The following SERPINA7 variants were observed in gnomAD, a reference collection of about 807,000 sequenced individuals.
SERPINA7 encodes thyroxine-binding globulin.
Under a neutral mutation model 16.0 loss-of-function variants are expected in SERPINA7, and 14 were observed. The observed-to-expected ratio is 0.88, with a 90% CI of 0.58 to 1.37. The LOEUF is 1.37. Among genes scored for constraint, SERPINA7 ranks in the 40% most tolerant of loss-of-function variants. SERPINA7 has a pLI of 0.00. For synonymous variants in SERPINA7, 140 were observed against 111.0 expected (o/e 1.26, Z -1.65); for missense variants, 335 against 296.6 (o/e 1.13, Z -0.95).
chrX:106,034,185 T>C (rs778617973), intron 4 of SERPINA7, 50 bp downstream of exon 4: 1 of 1,157,445 alleles, frequency 8.6e-7, no homozygotes, highest in Non-Finnish European at 1.2e-6. Context: ...AATTGACTCC[T>C]AATTGCTCTT....
At position 106,035,138 on chromosome X, in the gene SERPINA7, C is replaced by T. The variant is rs781242491; in HGVS notation, c.870G>A (p.Lys290=). 1.7e-6 allele frequency: 2 copies of T among 1,211,672 alleles called. No homozygotes were observed. The highest frequency in any genetic ancestry group is 2.2e-6 in the Non-Finnish European group (2 of 895,318). Residue 290 remains lysine (K), a synonymous_variant, in exon 3 of 5, where the codon AAG becomes AAA. Coordinates refer to ENST00000372563, the MANE Select transcript of SERPINA7 (RefSeq NM_000354.6). ...VEAAMSSKTL[K]KWNRLLQKGW... is the part of the protein sequence containing the mutation. ...CCTTCTGTAGTAAGCGGTTCCACTT[C>T]TTCAGTGTTTTAGATGACATGGCAG... is the stretch of plus-strand genomic sequence containing the variant.
Position 106,034,391 on chromosome X carries a change from A to G in SERPINA7, c.897-9T>C, listed in dbSNP as rs1454048142. The G allele has an allele frequency of 1.7e-6, 2 of 1,195,360 alleles. No individual in the cohort carries two copies. Reference sequence around the variant, plus strand: ...CAAACAAGTCAACCCATCTGTGGGAAAAGAGGAAGGGAACACATGGCAATC... The same window carrying G: ...CAAACAAGTCAACCCATCTGTGGGAGAAGAGGAAGGGAACACATGGCAATC... On this transcript the variant is annotated splice_polypyrimidine_tract_variant and intron_variant, in intron 3 of 4. Coordinates refer to ENST00000372563, the MANE Select transcript of SERPINA7 (RefSeq NM_000354.6).
chrX:106,038,013 A>G (rs761096186), intron 1 of SERPINA7, among the ~76,000 whole-genome samples: 9 of 111,323 alleles, frequency 8.1e-5, no homozygotes, highest in African/African-American at 2.9e-4. Context: ...CTTCTTCCTG[A>G]GTGATCTTAC....
rs1431489231 is a variant in SERPINA7 at position 106,033,800 on chromosome X, C to T, written c.1045-97G>A. 3.4e-6 allele frequency: 4 copies of T among 1,194,005 alleles called. No individual in the cohort carries two copies. In the African/African-American group the frequency reaches 7.0e-5, roughly 21 times the overall value. ...GAAAGGGAAAGGAAAGGTGGGGCCG[C>T]CCCTTTGCTATACTATGTTGATGGT... is the stretch of plus-strand genomic sequence containing the variant. On this transcript the variant is annotated intron_variant, in intron 4 of 4. Coordinates refer to ENST00000372563, the MANE Select transcript of SERPINA7 (RefSeq NM_000354.6).
At position 106,033,581 on chromosome X, in the gene SERPINA7, T is replaced by C. The variant is rs1021186304; in HGVS notation, c.1167A>G (p.Arg389=). The C allele has an allele frequency of 3.3e-6, 4 of 1,210,963 alleles. No homozygotes were observed. The highest frequency in any genetic ancestry group is 3.4e-6 in the Non-Finnish European group (3 of 894,815). ...TFLHPIIQID[R]SFMLLILERS... ...TCTCCAAAATCAACAACATGAAAGA[T>C]CTATCAATTTGGATAATAGGGTGTA... is the stretch of plus-strand genomic sequence containing the variant. Residue 389 remains arginine, a synonymous_variant, in exon 5 of 5, where the codon AGA becomes AGG. Transcript: ENST00000372563.
rs2041432363 is a variant in SERPINA7 at position 106,034,379 on chromosome X, C to T, written c.900G>A (p.Trp300Ter). 1 of 1,204,030 alleles carries T rather than the reference C, an allele frequency of 8.3e-7. No individual in the cohort carries two copies. Among genetic ancestry groups the T allele is most frequent in the East Asian group, 3.0e-5 (1 of 33,751 alleles). The change falls in exon 4 of 5, where the codon TGG becomes TGA. Residue 300 changes from tryptophan to a stop codon, truncating the protein, a stop_gained. Coordinates refer to ENST00000372563, the MANE Select transcript of SERPINA7 (RefSeq NM_000354.6). LOFTEE classifies it high-confidence loss of function. ...KKWNRLLQKG[W>*]VDLFVPKFSI... ...AAAACTTTGGAACAAACAAGTCAAC[C>T]CATCTGTGGGAAAAGAGGAAGGGAA... is the stretch of plus-strand genomic sequence containing the variant.
chrX:106,035,522 G>A (rs1954767733), intron 2 of SERPINA7, 137 bp from the exon 3 acceptor site: 5 of 600,601 alleles, frequency 8.3e-6, no homozygotes, highest in Admixed American at 5.6e-5. Context: ...TTTTACAAGT[G>A]ACTGAGGATC....
At chrX:106,037,304 G>A (rs1304546081) in intron 1 of SERPINA7, 2 of 378,043 alleles carry the variant, frequency 5.3e-6, no homozygotes, top group Non-Finnish European at 4.6e-6. Context: ...CGGAAATAAT[G>A]CCATGGACTG....
At chrX:106,034,206 C>A (rs373157996) in intron 4 of SERPINA7, 29 bp downstream of exon 4, 23 of 1,190,543 alleles carry the variant, frequency 1.9e-5, no homozygotes, top group Non-Finnish European at 2.3e-5. Context: ...CCAGTTCATA[C>A]ATTTAAGAAC....
At position 106,035,270 on chromosome X, in the gene SERPINA7, G is replaced by A; in HGVS notation, c.738C>T (p.His246=). Residue 246 remains histidine, a synonymous_variant, in exon 3 of 5, where the codon CAC becomes CAT. Transcript: ENST00000372563. ...PMMHQMEQYY[H]LVDMELNCTV... is the part of the protein sequence containing the mutation. ...TGCAGTTCAATTCCATATCCACTAG[G>A]TGATAGTATTGTTCCATCTGGTGCA... is the stretch of plus-strand genomic sequence containing the variant. 1 of 1,211,049 alleles carries A rather than the reference G, an allele frequency of 8.3e-7. No homozygotes were observed. Among genetic ancestry groups the A allele is most frequent in the African/African-American group, 1.7e-5 (1 of 57,797 alleles).
intron 2 of SERPINA7, 64 bp downstream of exon 2, chrX:106,036,373 T>TCC (rs886166735): frequency 8.8e-7 from 1 of 1,140,548 alleles, no homozygotes; most frequent in African/African-American, 1.8e-5. Flanking sequence ...GACCATGAGC[T>TCC]CCCCTCAGCA....
intron 2 of SERPINA7, among the ~76,000 whole-genome samples, 155 bp from the exon 3 acceptor site, chrX:106,035,540 GAA>G (rs780958445): frequency 2.1e-4 from 23 of 112,038 alleles, no homozygotes; most frequent in Non-Finnish European, 3.4e-4. Context: ...ATCAGGCAGA[GAA>G]AGTCATTTGT....
intron 3 of SERPINA7, 45 bp from the exon 4 acceptor site, chrX:106,034,427 G>A (rs762246713): frequency 1.8e-6 from 2 of 1,092,422 alleles, no homozygotes; most frequent in Non-Finnish European, 2.5e-6. Flanking sequence ...ACCATATCAA[G>A]CTTATGATTC....
At chrX:106,037,176 C>T (rs977516883) in intron 1 of SERPINA7, 101 bp from the exon 2 acceptor site, 51 of 664,046 alleles carry the variant, frequency 7.7e-5, no homozygotes, top group Admixed American at 1.0e-4. Flanking sequence ...ATTAATAAAA[C>T]AATAGTAAAT....
At position 106,034,278 on chromosome X, in the gene SERPINA7, T is replaced by G. The variant is rs1359311366; in HGVS notation, c.1001A>C (p.Asp334Ala). The G allele has an allele frequency of 2.5e-6, 3 of 1,209,634 alleles. No homozygotes were observed. Among genetic ancestry groups the G allele is most frequent in the Non-Finnish European group, 3.4e-6 (3 of 893,823 alleles). The change falls in exon 4 of 5, where the codon GAT becomes GCT. Residue 334 changes from aspartate (D) to alanine (A), a missense_variant. By Grantham distance (126) the Asp-to-Ala change is moderately radical. Coordinates refer to ENST00000372563, the MANE Select transcript of SERPINA7 (RefSeq NM_000354.6). ...GIQHAYSENA[D>A]FSGLTEDNGL... The stretch of plus-strand genomic sequence containing the variant: ...ATTGTCCTCTGTGAGTCCAGAAAAA[T>G]CAGCATTTTCAGAATAGGCATGCTG...
intron 1 of SERPINA7, chrX:106,037,471 G>A (rs1284586744): frequency 8.3e-6 from 1 of 120,333 alleles, no homozygotes; most frequent in Non-Finnish European, 1.7e-5. Flanking sequence ...ATTCATTGTA[G>A]ATTAGAATTT....
At chrX:106,035,499 T>A in intron 2 of SERPINA7, 114 bp from the exon 3 acceptor site, 1 of 733,081 alleles carries the variant, frequency 1.4e-6, no homozygotes, top group Non-Finnish European at 2.1e-6. Context: ...GTTAGGTACC[T>A]ACAGTCAACC....
In SERPINA7 at chrX:106,036,416, A is replaced by G. The variant is rs778053882; in HGVS notation, c.622+21T>C. ...CAAGTATCTGAGCCCTAGACTGAAA[A>G]TTGACATCTGAAAGTCTTACCTTTA... On this transcript the variant is annotated intron_variant, in intron 2 of 4. Transcript: ENST00000372563. 5.0e-6 allele frequency: 6 copies of G among 1,207,602 alleles called. No individual in the cohort carries two copies. The Admixed American group carries it at 1.3e-4, about 26-fold the overall frequency.
In SERPINA7 at chrX:106,033,628, C is replaced by A. The variant is rs757347120; in HGVS notation, c.1120G>T (p.Asp374Tyr). 3 of 1,209,515 alleles carry A rather than the reference C, an allele frequency of 2.5e-6. No individual in the cohort carries two copies. In the African/African-American group the frequency reaches 5.3e-5, roughly 21 times the overall value. The change falls in exon 5 of 5, where the codon GAT becomes TAT. Residue 374 changes from aspartate (D) to tyrosine (Y), a missense_variant. Coordinates refer to ENST00000372563, the MANE Select transcript of SERPINA7 (RefSeq NM_000354.6). Reference sequence around the variant, plus strand: ...TGTAGGAAAGTGTTTTCAGGCTGATCCGAAAGTTCAACTTCAGGGACAGCT... The same window carrying A: ...TGTAGGAAAGTGTTTTCAGGCTGATACGAAAGTTCAACTTCAGGGACAGCT... ...AAAVPEVELS[D>Y]QPENTFLHPI...
Sources: allele counts gnomAD v4.1 joint callset (sites outside exome capture counted in the v4.1 genomes callset), GRCh38; gene constraint gnomAD v4.1.1; transcripts MANE v1.5; gene names NCBI Gene and HGNC (gene_info 2026-07-23, HGNC 2026-07-21).